ROBO2: variants seen among roughly 807,000 people sequenced by gnomAD.
ROBO2 encodes roundabout guidance receptor 2.
In ROBO2, 53 loss-of-function variants were observed where a neutral mutation model predicts 160.8. The ratio of observed to expected loss-of-function variants is 0.33; its 90% confidence interval spans 0.26 to 0.41. The LOEUF (loss-of-function observed/expected upper bound fraction) is 0.41, where lower values mean the gene tolerates loss of function less well. Among genes scored for constraint, ROBO2 ranks in the 10% least tolerant of loss-of-function variants. The probability of loss-of-function intolerance (pLI) is 1.00; values close to 1 mark genes in which losing one functional copy is unlikely to be tolerated. For missense variants in ROBO2, 1,577 were observed against 1,722.4 expected, an observed-to-expected ratio of 0.92 and a Z score of 1.49; for synonymous variants, 664 against 611.7, an observed-to-expected ratio of 1.09 and a Z score of -1.26.
intron 2 of ROBO2, among the ~76,000 whole-genome samples, chr3:76,945,277 T>A (rs1166789537): frequency 6.6e-6 from 1 of 152,148 alleles, no homozygotes; most frequent in Non-Finnish European, 1.5e-5. Flanking sequence ...TGAATGTTAA[T>A]TATTAATTTT....
At chr3:77,343,075 AG>A (rs2067239971) in intron 2 of ROBO2, among the ~76,000 whole-genome samples, 2 of 122,500 alleles carry the variant, frequency 1.6e-5, no homozygotes, top group African/African-American at 5.5e-5. Context: ...AGAGAGAGAG[AG>A]AGAGAGAGAG....
chr3:76,335,004 A>G (rs1272504903), intron 2 of ROBO2, among the ~76,000 whole-genome samples: 1 of 151,268 alleles, frequency 6.6e-6, no homozygotes, highest in Non-Finnish European at 1.5e-5. Flanking sequence ...TTTTTCATCT[A>G]TTTTTTTTCT....
chr3:76,825,286 G>A (rs1201804996), intron 2 of ROBO2, among the ~76,000 whole-genome samples: 1 of 152,098 alleles, frequency 6.6e-6, no homozygotes, highest in African/African-American at 2.4e-5. Flanking sequence ...TGGATGACTG[G>A]CACACTGGAC....
chr3:77,359,928 T>TACCAAAGTGATCC (rs1463243493), intron 2 of ROBO2, among the ~76,000 whole-genome samples: 1 of 152,194 alleles, frequency 6.6e-6, no homozygotes, highest in Non-Finnish European at 1.5e-5. Flanking sequence ...TCAAGTGATC[T>TACCAAAGTGATCC]ACCAAAGTGA....
intron 5 of ROBO2, among the ~76,000 whole-genome samples, chr3:77,504,139 T>C (rs1444628109): frequency 6.6e-6 from 1 of 152,162 alleles, no homozygotes; most frequent in Admixed American, 6.5e-5. Flanking sequence ...CTCTGAGAAG[T>C]GATTCATCAT....
intron 2 of ROBO2, among the ~76,000 whole-genome samples, chr3:76,622,789 T>C (rs2089318505): frequency 6.6e-6 from 1 of 152,198 alleles, no homozygotes; most frequent in Non-Finnish European, 1.5e-5. Flanking sequence ...GTATACTTTA[T>C]TACTTGGCTT....
intron 2 of ROBO2, among the ~76,000 whole-genome samples, chr3:76,822,635 ATCATTT>A (rs2066219942): frequency 6.6e-6 from 1 of 151,842 alleles, no homozygotes; most frequent in Non-Finnish European, 1.5e-5. Context: ...ATGATGAATG[ATCATTT>A]TCATTGATGA....
intron 2 of ROBO2, among the ~76,000 whole-genome samples, chr3:76,019,704 C>T (rs2066514729): frequency 6.6e-6 from 1 of 150,908 alleles, no homozygotes; most frequent in African/African-American, 2.4e-5. Context: ...TATGGCCTCC[C>T]AACATGGTTA....
At chr3:76,962,180 C>T (rs1259361528) in intron 2 of ROBO2, among the ~76,000 whole-genome samples, 1 of 152,044 alleles carries the variant, frequency 6.6e-6, no homozygotes, top group Non-Finnish European at 1.5e-5. Flanking sequence ...ACTAGAAATA[C>T]AAAAATTAGC....
At chr3:77,005,140 A>G (rs531956724) in intron 2 of ROBO2, among the ~76,000 whole-genome samples, 1 of 152,206 alleles carries the variant, frequency 6.6e-6, no homozygotes, top group East Asian at 1.9e-4. Context: ...CACCGCTCAG[A>G]CCTTGTCAAA....
At chr3:76,964,408 T>C (rs902562381) in intron 2 of ROBO2, among the ~76,000 whole-genome samples, 5 of 152,168 alleles carry the variant, frequency 3.3e-5, no homozygotes, top group African/African-American at 1.2e-4. Flanking sequence ...AGTGGCGTGA[T>C]CTCAGCTCAC....
intron 1 of ROBO2, among the ~76,000 whole-genome samples, chr3:75,916,873 G>C (rs2106788329): frequency 6.6e-6 from 1 of 151,548 alleles, no homozygotes; most frequent in East Asian, 1.9e-4. Flanking sequence ...TGTTGTATAT[G>C]CATGTACATA....
At chr3:76,619,578 T>G (rs1461754924) in intron 2 of ROBO2, among the ~76,000 whole-genome samples, 1 of 152,182 alleles carries the variant, frequency 6.6e-6, no homozygotes, top group Admixed American at 6.5e-5. Context: ...GATATTAAAG[T>G]TATTGTCTAA....
chr3:76,097,648 G>T (rs2069509030), intron 2 of ROBO2, among the ~76,000 whole-genome samples: 1 of 152,146 alleles, frequency 6.6e-6, no homozygotes, highest in Admixed American at 6.5e-5. Flanking sequence ...GGTAATCAGG[G>T]AGGATCTCAC....
intron 2 of ROBO2, among the ~76,000 whole-genome samples, chr3:77,267,085 A>C (rs2059170617): frequency 6.6e-6 from 1 of 152,130 alleles, no homozygotes; most frequent in Non-Finnish European, 1.5e-5. Flanking sequence ...CAAAGCTTTA[A>C]ATTTTATTCA....
chr3:76,397,449 G>T (rs2077526723), intron 2 of ROBO2, among the ~76,000 whole-genome samples: 1 of 151,994 alleles, frequency 6.6e-6, no homozygotes, highest in Admixed American at 6.6e-5. Context: ...AAAAGCAATG[G>T]CAACAAAAGT....
intron 6 of ROBO2, among the ~76,000 whole-genome samples, chr3:77,524,553 G>GA (rs2153629624): frequency 6.6e-6 from 1 of 151,442 alleles, no homozygotes; most frequent in East Asian, 2.0e-4. Context: ...CAAATGGTGA[G>GA]AAAACGTGAG....
chr3:76,756,890 A>G (rs62261775), intron 2 of ROBO2, among the ~76,000 whole-genome samples: 47,870 of 151,716 alleles, frequency 0.32, 9,329 homozygotes, highest in Non-Finnish European at 0.43. Flanking sequence ...GTTATTTATA[A>G]ACACCAAACA....
chr3:77,568,346 G>A (rs1269000134), exon 13 of ROBO2: 23 of 1,612,840 alleles, frequency 1.4e-5, no homozygotes, highest in Non-Finnish European at 1.6e-5. Flanking sequence ...GTGGACCACA[G>A]GCAAGTGCAG....
Sources: gnomAD v4.1 joint callset for allele counts (sites outside exome capture counted in the v4.1 genomes callset) on GRCh38, gnomAD v4.1.1 for gene constraint, MANE v1.5 for transcripts, NCBI Gene and HGNC (gene_info 2026-07-23, HGNC 2026-07-21) for gene names.